Variants in TBC1D22A observed in about 807,000 individuals in gnomAD.
The protein encoded by TBC1D22A is TBC1 domain family member 22A.
Under a neutral mutation model 60.2 loss-of-function variants are expected in TBC1D22A, and 38 were observed. That is an observed-to-expected ratio of 0.63 (90% CI 0.49 to 0.83). The LOEUF (loss-of-function observed/expected upper bound fraction) is 0.83. Ranked by LOEUF, TBC1D22A falls within the 40% of genes least tolerant of loss-of-function variation. TBC1D22A has a pLI of 0.00. For synonymous variants in TBC1D22A, 302 were observed against 281.7 expected, an observed-to-expected ratio of 1.07 and a Z score of -0.72; for missense variants, 628 against 701.0, an observed-to-expected ratio of 0.90 and a Z score of 1.18.
At chr22:46,970,439 T>C (rs1325626437) in intron 8 of TBC1D22A, among the ~76,000 whole-genome samples, 2 of 152,232 alleles carry the variant, frequency 1.3e-5, no homozygotes, top group East Asian at 3.8e-4. Context: ...AAAATCTTTT[T>C]TTCGATTGGT....
At chr22:46,952,045 C>G (rs1438417895) in intron 8 of TBC1D22A, among the ~76,000 whole-genome samples, 2 of 152,208 alleles carry the variant, frequency 1.3e-5, no homozygotes, top group African/African-American at 4.8e-5. Context: ...AGCCCCACAG[C>G]ACAGGGCACG....
intron 11 of TBC1D22A, among the ~76,000 whole-genome samples, chr22:47,102,948 C>T (rs1270900991): frequency 6.6e-6 from 1 of 152,212 alleles, no homozygotes; most frequent in African/African-American, 2.4e-5. Context: ...CTACTCAGGG[C>T]TGGTTCCCTC....
intron 11 of TBC1D22A, among the ~76,000 whole-genome samples, chr22:47,096,691 G>T (rs542247691): frequency 4.6e-5 from 7 of 152,058 alleles, no homozygotes; most frequent in Non-Finnish European, 1.0e-4. Context: ...GTGTAGTGGC[G>T]CATGCCTGTA....
chr22:46,879,006 T>C (rs2067711564), intron 5 of TBC1D22A, among the ~76,000 whole-genome samples: 1 of 152,308 alleles, frequency 6.6e-6, no homozygotes, highest in Admixed American at 6.5e-5. Flanking sequence ...GCCTGTGATA[T>C]AGAAAGGTTT....
chr22:46,993,893 A>T lies in TBC1D22A; in HGVS notation c.1126-3741A>T, dbSNP rs1348576604. 2.7e-5 allele frequency among the ~76,000 whole-genome samples: 4 copies of T among 150,112 alleles called. No individual in the cohort carries two copies. In the East Asian group the frequency reaches 7.7e-4, roughly 29 times the overall value. ...GGGCTCACCTCCCGAGCCAGGAGCC[A>T]GGAGGGCCCAGACCGACCCCCCTGT... On this transcript the variant is annotated intron_variant, in intron 9 of 12. Coordinates refer to ENST00000337137, the MANE Select transcript of TBC1D22A (RefSeq NM_014346.5).
intron 12 of TBC1D22A, among the ~76,000 whole-genome samples, chr22:47,118,141 A>C (rs181333542): frequency 6.6e-6 from 1 of 152,288 alleles, no homozygotes; most frequent in South Asian, 2.1e-4. Flanking sequence ...TACATAAAAA[A>C]TAAGGTGGAT....
At chr22:46,784,719 T>C (rs2084085777) in intron 1 of TBC1D22A, among the ~76,000 whole-genome samples, 1 of 152,166 alleles carries the variant, frequency 6.6e-6, no homozygotes. Context: ...TTTTGAGCAA[T>C]AGAGATACAT....
chr22:47,134,069 G>T (rs1409110082), intron 12 of TBC1D22A, among the ~76,000 whole-genome samples: 2 of 152,210 alleles, frequency 1.3e-5, no homozygotes, highest in Non-Finnish European at 2.9e-5. Context: ...CTGCCTGCCT[G>T]TGGGGCAGAG....
intron 11 of TBC1D22A, among the ~76,000 whole-genome samples, chr22:47,109,775 C>T (rs765482324): frequency 6.6e-6 from 1 of 152,018 alleles, no homozygotes; most frequent in Non-Finnish European, 1.5e-5. Context: ...CTGTCATACG[C>T]GTTGGTGTGT....
chr22:46,847,056 C>T (rs1030899903), intron 4 of TBC1D22A, among the ~76,000 whole-genome samples: 2 of 152,152 alleles, frequency 1.3e-5, no homozygotes, highest in South Asian at 2.1e-4. Context: ...CCTTCCTTAT[C>T]GGCTGTGCAA....
chr22:46,811,550 T>C (rs571536216), intron 4 of TBC1D22A, among the ~76,000 whole-genome samples: 98 of 152,172 alleles, frequency 6.4e-4, no homozygotes, highest in African/African-American at 2.3e-3. Flanking sequence ...GTGGCGAGGG[T>C]GGCAGCAGCA....
intron 8 of TBC1D22A, among the ~76,000 whole-genome samples, chr22:46,951,238 G>C (rs1456116644): frequency 6.6e-6 from 1 of 152,076 alleles, no homozygotes; most frequent in Non-Finnish European, 1.5e-5. Context: ...AAGTACATGT[G>C]TATTATTTTT....
At chr22:46,945,561 T>G (rs963648910) in intron 8 of TBC1D22A, among the ~76,000 whole-genome samples, 21 of 152,104 alleles carry the variant, frequency 1.4e-4, no homozygotes, top group Non-Finnish European at 2.9e-5. Context: ...CTGACGGCAT[T>G]TCTCGTTATG....
chr22:46,804,797 C>G (rs557201058), intron 4 of TBC1D22A, among the ~76,000 whole-genome samples: 9 of 152,226 alleles, frequency 5.9e-5, no homozygotes, highest in East Asian at 5.8e-4. Context: ...GATTTTTAGT[C>G]TGTAATATTA....
At chr22:46,845,495 A>C (rs2086950510) in intron 4 of TBC1D22A, among the ~76,000 whole-genome samples, 1 of 152,162 alleles carries the variant, frequency 6.6e-6, no homozygotes, top group Admixed American at 6.5e-5. Context: ...TTTTGAGGTA[A>C]GTTTTCATTA....
intron 8 of TBC1D22A, among the ~76,000 whole-genome samples, chr22:46,921,981 G>A (rs1294729888): frequency 6.6e-6 from 1 of 152,162 alleles, no homozygotes; most frequent in African/African-American, 2.4e-5. Flanking sequence ...TGTGTCTGGA[G>A]TGGTATTTCC....
At chr22:46,908,855 G>A (rs1312281376) in intron 7 of TBC1D22A, among the ~76,000 whole-genome samples, 2 of 152,172 alleles carry the variant, frequency 1.3e-5, no homozygotes, top group Non-Finnish European at 2.9e-5. Flanking sequence ...TTGCCCCGTA[G>A]TGCATAGTGC....
chr22:47,104,083 G>A (rs2065526007), intron 11 of TBC1D22A, among the ~76,000 whole-genome samples: 1 of 152,136 alleles, frequency 6.6e-6, no homozygotes, highest in South Asian at 2.1e-4. Context: ...GAGGCAGGCG[G>A]ATCATGAGGT....
chr22:47,094,703 T>A (rs1345018215), intron 11 of TBC1D22A, among the ~76,000 whole-genome samples: 4 of 152,200 alleles, frequency 2.6e-5, no homozygotes, highest in Non-Finnish European at 5.9e-5. Context: ...ATAGTTTATG[T>A]CTTTCTCTTA....
Sources: allele counts gnomAD v4.1 joint callset (sites outside exome capture counted in the v4.1 genomes callset), GRCh38; gene constraint gnomAD v4.1.1; transcripts MANE v1.5; gene names NCBI Gene and HGNC (gene_info 2026-07-23, HGNC 2026-07-21).